ADAP1: variants seen among roughly 807,000 people sequenced by gnomAD.
ADAP1 encodes ArfGAP with dual PH domains 1, also known as arf-GAP with dual PH domain-containing protein 1.
ADAP1 carries 31 observed loss-of-function variants against 54.9 expected under a neutral mutation model. The ratio of observed to expected loss-of-function variants is 0.56; its 90% confidence interval spans 0.42 to 0.76. ADAP1 has a LOEUF of 0.76. ADAP1 is among the 30% of genes least tolerant of loss of function. The pLI is 0.00. For missense variants in ADAP1, 535 were observed against 512.4 expected, an observed-to-expected ratio of 1.04 and a Z score of -0.42; for synonymous variants, 313 against 202.6, an observed-to-expected ratio of 1.55 and a Z score of -4.63.
chr7:908,578 T>G (rs1845576469), intron 4 of ADAP1, among the ~76,000 whole-genome samples: 1 of 152,188 alleles, frequency 6.6e-6, no homozygotes, highest in Non-Finnish European at 1.5e-5. Context: ...GCCACCAGTG[T>G]CCCTCAGACC....
chr7:934,419 G>A (rs1335021828), intron 2 of ADAP1, among the ~76,000 whole-genome samples: 1 of 152,018 alleles, frequency 6.6e-6, no homozygotes, highest in Non-Finnish European at 1.5e-5. Flanking sequence ...TGGTGCTGGA[G>A]AGGGGAGAGA....
At chr7:898,985 C>G in intron 10 of ADAP1, 36 bp from the exon 11 acceptor site, 1 of 1,610,318 alleles carries the variant, frequency 6.2e-7, no homozygotes, top group Non-Finnish European at 8.5e-7. Flanking sequence ...GTCACAGCGG[C>G]GGGGAGCTGG....
chr7:948,149 G>A (rs1847188732), intron 1 of ADAP1, among the ~76,000 whole-genome samples: 1 of 150,838 alleles, frequency 6.6e-6, no homozygotes, highest in Admixed American at 6.6e-5. Context: ...CAACCCCCGA[G>A]CCCCAGCCCC....
rs557020376 is a variant in ADAP1 at position 946,225 on chromosome 7, C to G, written c.82+8171G>C. Among the ~76,000 whole-genome samples, 1 of 152,268 alleles carries G rather than the reference C, an allele frequency of 6.6e-6. No individual in the cohort carries two copies. Among genetic ancestry groups the G allele is most frequent in the East Asian group, 1.9e-4 (1 of 5,172 alleles). ...TTCCGCATATTGTCTCCCAGTTACC[C>G]GTGGCCCCTGCAGGGATCCAGGCTC... is the stretch of plus-strand genomic sequence containing the variant. On this transcript the variant is annotated intron_variant, in intron 1 of 10. Transcript: ENST00000265846. The surrounding 1 kb of genome is among the most constrained non-coding windows in gnomAD (Gnocchi z 4.3).
chr7:953,161 A>G (rs1345785978), intron 1 of ADAP1, among the ~76,000 whole-genome samples: 1 of 151,930 alleles, frequency 6.6e-6, no homozygotes, highest in Non-Finnish European at 1.5e-5. Flanking sequence ...GTGGGGAGAG[A>G]GTCTGGGGTG....
chr7:934,768 A>C (rs1431585421), intron 2 of ADAP1, among the ~76,000 whole-genome samples: 1 of 152,106 alleles, frequency 6.6e-6, no homozygotes, highest in Non-Finnish European at 1.5e-5. Flanking sequence ...CTCCCTCCCC[A>C]TAGGGGCGTC....
intron 9 of ADAP1, 69 bp from the exon 10 acceptor site, chr7:899,330 T>C: frequency 6.2e-7 from 1 of 1,604,836 alleles, no homozygotes; most frequent in Non-Finnish European, 8.5e-7. Flanking sequence ...AGGCCAGGAC[T>C]CGGGAGGCCA....
chr7:944,625 G>A (rs1355345069), intron 1 of ADAP1, among the ~76,000 whole-genome samples: 1 of 152,112 alleles, frequency 6.6e-6, no homozygotes, highest in Non-Finnish European at 1.5e-5. Flanking sequence ...GGGTCCACAA[G>A]ACATTTTGCT....
Position 920,151 on chromosome 7 carries a change from G to A in ADAP1, c.306-101C>T. ...CCCTGGACATCTCAAGAGGCTCATA[G>A]GGACCCCCGGCAGACTCGAGCCGCC... On this transcript the variant is annotated intron_variant, in intron 3 of 10. Transcript: ENST00000265846. The surrounding 1 kb of genome is among the most constrained non-coding windows in gnomAD (Gnocchi z 4.5). 1 of 1,061,256 alleles carries A rather than the reference G, an allele frequency of 9.4e-7. No individual in the cohort carries two copies. The highest frequency in any genetic ancestry group is 2.2e-5 in the Admixed American group (1 of 45,830). 65.7% of individuals were successfully genotyped at this position (1,061,256 alleles called of 1,614,324 possible).
chr7:955,209 C>T, upstream of ADAP1: 1 of 1,244,358 alleles, frequency 8.0e-7, no homozygotes. Flanking sequence ...TCTGGGCACC[C>T]CTCCCACTCA....
Position 954,250 on chromosome 7 carries a change from C to A in ADAP1, c.82+146G>T, listed in dbSNP as rs1251845584. 3.5e-5 allele frequency: 28 copies of A among 801,102 alleles called. No individual in the cohort carries two copies. The East Asian group carries it at 3.3e-3, about 93-fold the overall frequency. 49.6% of individuals were successfully genotyped at this position (801,102 alleles called of 1,614,324 possible). A position where few individuals can be genotyped will look rare whatever the true frequency, so the allele number is the denominator to read the frequency against. ...CAGCCGGGCCCGGGCCCCATCCGAG[C>A]GCCGATCCGGCCCGGTGTTCAGCGC... On this transcript the variant is annotated intron_variant, in intron 1 of 10. Coordinates refer to ENST00000265846, the MANE Select transcript of ADAP1 (RefSeq NM_006869.4).
intron 4 of ADAP1, among the ~76,000 whole-genome samples, chr7:912,248 TC>T (rs1845754658): frequency 6.6e-6 from 1 of 152,098 alleles, no homozygotes; most frequent in Non-Finnish European, 1.5e-5. Context: ...GCCCCGCGTC[TC>T]AGCGAGACCA....
chr7:923,610 A>G (rs1236324071), intron 3 of ADAP1, among the ~76,000 whole-genome samples: 1 of 151,814 alleles, frequency 6.6e-6, no homozygotes, highest in African/African-American at 2.4e-5. Context: ...CTCCCCTCTT[A>G]TAGCTGGGCA....
chr7:935,110 G>C (rs761186390), intron 2 of ADAP1: 3 of 601,900 alleles, frequency 5.0e-6, no homozygotes, highest in Admixed American at 4.3e-5. Context: ...CACGGGAATC[G>C]GCGACCCGCC....
intron 1 of ADAP1, among the ~76,000 whole-genome samples, chr7:936,404 G>T (rs1316990775): frequency 6.6e-6 from 1 of 152,174 alleles, no homozygotes. Context: ...TGTTGGCCAG[G>T]CTGGCCTCGA....
rs28533260 is a variant in ADAP1, at chr7:905,292, C to T, written c.389-120G>A. 5 of 277,886 alleles carry T rather than the reference C, an allele frequency of 1.8e-5. No individual in the cohort carries two copies. The East Asian group carries it at 2.0e-4, about 11-fold the overall frequency. 17.2% of individuals were successfully genotyped at this position (277,886 alleles called of 1,614,324 possible). On this transcript the variant is annotated intron_variant, in intron 4 of 10. Transcript: ENST00000265846. The stretch of plus-strand genomic sequence containing the variant: ...AGACACGGGGGACACGGACGGGGGA[C>T]ACGGACAGGGGGAGACGGACGGGGA...
chr7:909,139 G>A (rs140842047), intron 4 of ADAP1, among the ~76,000 whole-genome samples: 1,721 of 135,140 alleles, frequency 0.013, 35 homozygotes, highest in East Asian at 0.084. Context: ...CCGACAGCAG[G>A]CGCCAGCGGG....
At chr7:924,917 G>T (rs1323502490) in intron 3 of ADAP1, among the ~76,000 whole-genome samples, 1 of 152,112 alleles carries the variant, frequency 6.6e-6, no homozygotes, top group Non-Finnish European at 1.5e-5. Flanking sequence ...GCCAGGGCAG[G>T]GTTCCCCTGT....
At chr7:939,002 C>A (rs954607118) in intron 1 of ADAP1, among the ~76,000 whole-genome samples, 1 of 152,202 alleles carries the variant, frequency 6.6e-6, no homozygotes. Context: ...TGGAAGGAGG[C>A]CTGTTCACAG....
Sources: allele counts gnomAD v4.1 joint callset (sites outside exome capture counted in the v4.1 genomes callset), GRCh38; gene constraint gnomAD v4.1.1; non-coding constraint Gnocchi (gnomAD v3.1); transcripts MANE v1.5; gene names NCBI Gene and HGNC (gene_info 2026-07-23, HGNC 2026-07-21).